The following UGT2A1 variants were observed in gnomAD, a reference collection of about 807,000 sequenced individuals.
UGT2A1 encodes the protein UDP glucuronosyltransferase family 2 member A1 complex locus, also known as UDP-glucuronosyltransferase 2A1.
A neutral mutation model predicts 45.4 loss-of-function variants in UGT2A1; 61 were observed. That is an observed-to-expected ratio of 1.34 (90% CI 1.09 to 1.66). The LOEUF (loss-of-function observed/expected upper bound fraction) is 1.66. UGT2A1 is among the 40% of genes most tolerant of loss of function. The probability of loss-of-function intolerance (pLI) is 0.00; values close to 1 mark genes in which losing one functional copy is unlikely to be tolerated. For synonymous variants in UGT2A1, 229 were observed against 196.2 expected (o/e 1.17, Z -1.40); for missense variants, 649 against 574.3 (o/e 1.13, Z -1.33).
chr4:69,602,642 T>A lies in UGT2A1; in HGVS notation c.848-3248A>T, dbSNP rs1719363395. Among the ~76,000 whole-genome samples the A allele has an allele frequency of 1.5e-5, 2 of 137,736 alleles. 1 individual carries two copies. Among genetic ancestry groups the A allele is most frequent in the African/African-American group, 5.8e-5 (2 of 34,268 alleles). 90.4% of individuals were successfully genotyped at this position (137,736 alleles called of 152,430 possible). A position where few individuals can be genotyped will look rare whatever the true frequency, so the allele number is the denominator to read the frequency against. ...TTTCTGTGCACAAGTAAACGAAGAT[T>A]TAATTTAAAAACTAAATTTCCACTG... is the stretch of plus-strand genomic sequence containing the variant. On this transcript the variant is annotated intron_variant, in intron 3 of 6. Coordinates refer to ENST00000286604, the MANE Select transcript of UGT2A1 (RefSeq NM_001252275.3).
chr4:69,607,978 T>C (rs1031721615), intron 3 of UGT2A1, among the ~76,000 whole-genome samples: 1 of 152,202 alleles, frequency 6.6e-6, no homozygotes, highest in Non-Finnish European at 1.5e-5. Context: ...GGTGGGACTG[T>C]AAACTAGTTC....
chr4:69,630,317 C>T (rs191017774), intron 3 of UGT2A1, among the ~76,000 whole-genome samples: 64 of 152,144 alleles, frequency 4.2e-4, no homozygotes, highest in African/African-American at 1.5e-3. Flanking sequence ...CCATTTCCTT[C>T]TTCCCAGATG....
At chr4:69,612,996 T>C (rs1393921514) in intron 3 of UGT2A1, among the ~76,000 whole-genome samples, 1 of 149,348 alleles carries the variant, frequency 6.7e-6, no homozygotes, top group Non-Finnish European at 1.5e-5. Flanking sequence ...AAAGGTCTAA[T>C]ATCCAGATTA....
chr4:69,595,096 C>A, intron 5 of UGT2A1, 66 bp downstream of exon 5: 1 of 1,561,274 alleles, frequency 6.4e-7, no homozygotes, highest in Non-Finnish European at 8.8e-7. Context: ...AATTTATTTG[C>A]TATTAAACAG....
At chr4:69,634,351 C>T (rs529480534) in intron 3 of UGT2A1, among the ~76,000 whole-genome samples, 2 of 151,962 alleles carry the variant, frequency 1.3e-5, no homozygotes, top group African/African-American at 2.4e-5. Context: ...GCTTAGGTGA[C>T]GAAAGATTAA....
At chr4:69,590,368 T>G (rs770181590) in intron 6 of UGT2A1, among the ~76,000 whole-genome samples, 1 of 152,188 alleles carries the variant, frequency 6.6e-6, no homozygotes, top group Non-Finnish European at 1.5e-5. Flanking sequence ...CAATATTGGG[T>G]GGATATCTAC....
chr4:69,591,351 G>C (rs894646938), intron 6 of UGT2A1, among the ~76,000 whole-genome samples: 1 of 152,170 alleles, frequency 6.6e-6, no homozygotes, highest in African/African-American at 2.4e-5. Flanking sequence ...ACAACTTGAA[G>C]TGGGGGTGCA....
intron 6 of UGT2A1, among the ~76,000 whole-genome samples, chr4:69,591,867 G>T (rs2109874367): frequency 6.6e-6 from 1 of 152,274 alleles, no homozygotes; most frequent in African/African-American, 2.4e-5. Flanking sequence ...TAATTGACTA[G>T]TCATTAAAGT....
At chr4:69,604,945 G>C (rs1719517378) in intron 3 of UGT2A1, among the ~76,000 whole-genome samples, 1 of 136,376 alleles carries the variant, frequency 7.3e-6, no homozygotes, top group African/African-American at 3.0e-5. Context: ...CCTAGAAAGA[G>C]ACTTAGACTC....
chr4:69,638,974 T>C (rs767095434), intron 2 of UGT2A1: 21 of 1,612,898 alleles, frequency 1.3e-5, no homozygotes, highest in South Asian at 1.1e-4. Context: ...GAATAAGATA[T>C]GGTATTTTTA....
At position 69,639,678 on chromosome 4, in the gene UGT2A1, A is replaced by G. The variant is rs758972296; in HGVS notation, c.716-3856T>C. 5.3e-6 allele frequency: 8 copies of G among 1,510,828 alleles called. No homozygotes were observed. In the East Asian group the frequency reaches 1.1e-4, roughly 22 times the overall value. 93.6% of individuals were successfully genotyped at this position (1,510,828 alleles called of 1,614,324 possible). A position where few individuals can be genotyped will look rare whatever the true frequency, so the allele number is the denominator to read the frequency against. On this transcript the variant is annotated intron_variant, in intron 2 of 6. Coordinates refer to ENST00000286604, the MANE Select transcript of UGT2A1 (RefSeq NM_001252275.3). ...CCTTCAAGATGAAAAAAAAATCTTC[A>G]AAGTATATTTAGGTCAATTTTTAAA... is the stretch of plus-strand genomic sequence containing the variant.
chr4:69,635,843 AAAAAAAAGAGAG>A (rs1721665334), intron 2 of UGT2A1, 21 bp from the exon 3 acceptor site: 2 of 136,538 alleles, frequency 1.5e-5, no homozygotes, highest in African/African-American at 7.0e-5. Flanking sequence ...AAAAAAAAAA[AAAAAAAAGAGAG>A]AGAGAGAGAG....
At chr4:69,641,799 A>G (rs1287418285) in intron 2 of UGT2A1, among the ~76,000 whole-genome samples, 4 of 151,790 alleles carry the variant, frequency 2.6e-5, no homozygotes, top group African/African-American at 9.7e-5. Flanking sequence ...CCTATTTCCT[A>G]TAGTTCTGGG....
At chr4:69,613,875 G>A (rs891814434) in intron 3 of UGT2A1, among the ~76,000 whole-genome samples, 17 of 151,982 alleles carry the variant, frequency 1.1e-4, no homozygotes, top group African/African-American at 3.6e-4. Context: ...GCATCATATT[G>A]AATGAGTACA....
At chr4:69,627,107 G>T (rs1380421359) in intron 3 of UGT2A1, among the ~76,000 whole-genome samples, 1 of 151,784 alleles carries the variant, frequency 6.6e-6, no homozygotes, top group Admixed American at 6.6e-5. Context: ...GACAAAGAGA[G>T]AAAATATATT....
chr4:69,601,329 G>A (rs528740356), intron 3 of UGT2A1, among the ~76,000 whole-genome samples: 1 of 152,260 alleles, frequency 6.6e-6, no homozygotes, highest in South Asian at 2.1e-4. Flanking sequence ...TCCTGCACCT[G>A]CCCTGGTGGC....
chr4:69,599,699 G>T (rs1577951389), intron 3 of UGT2A1: 1 of 219,190 alleles, frequency 4.6e-6, no homozygotes, highest in East Asian at 1.1e-4. Flanking sequence ...TAAAGAAAGA[G>T]AGAGAGAGAG....
intron 3 of UGT2A1, among the ~76,000 whole-genome samples, chr4:69,626,952 C>T (rs1721094352): frequency 6.6e-6 from 1 of 151,708 alleles, no homozygotes; most frequent in Non-Finnish European, 1.5e-5. Flanking sequence ...GGTTTAGACT[C>T]GACTTCTGTT....
intron 3 of UGT2A1, among the ~76,000 whole-genome samples, chr4:69,622,081 G>A (rs530914872): frequency 2.1e-3 from 318 of 151,828 alleles, no homozygotes; most frequent in Admixed American, 4.9e-3. Flanking sequence ...CTGGGTCATG[G>A]AATAGTCAGT....
Sources: allele counts gnomAD v4.1 joint callset (sites outside exome capture counted in the v4.1 genomes callset), GRCh38; gene constraint gnomAD v4.1.1; transcripts MANE v1.5; gene names NCBI Gene and HGNC (gene_info 2026-07-23, HGNC 2026-07-21).